COL4A5: variants seen among roughly 807,000 people sequenced by gnomAD.
COL4A5 encodes collagen type IV alpha 5 chain.
In COL4A5, 26 loss-of-function variants were observed where a neutral mutation model predicts 130.2. That is an observed-to-expected ratio of 0.20 (90% CI 0.15 to 0.28). COL4A5 has a LOEUF of 0.28. COL4A5 is among the 10% of genes least tolerant of loss of function. The pLI is 1.00. For missense variants in COL4A5, 1,131 were observed against 1,344.3 expected (o/e 0.84, Z 2.48); for synonymous variants, 496 against 439.6 (o/e 1.13, Z -1.60).
intron 1 of COL4A5, among the ~76,000 whole-genome samples, chrX:108,506,777 G>A (rs1411553940): frequency 9.1e-6 from 1 of 110,051 alleles, no homozygotes; most frequent in Non-Finnish European, 1.9e-5. Flanking sequence ...AGATAGGTCT[G>A]ACTCTGTGCC....
intron 42 of COL4A5, chrX:108,670,577 A>G: frequency 3.1e-6 from 1 of 326,923 alleles, no homozygotes. Context: ...TGTTAATGCA[A>G]ACGAATTGAA....
chrX:108,451,976 T>C (rs1461672034), intron 1 of COL4A5, among the ~76,000 whole-genome samples: 2 of 112,203 alleles, frequency 1.8e-5, no homozygotes, highest in Non-Finnish European at 3.8e-5. Context: ...TTTAAGTCTT[T>C]AATCCATCTT....
chrX:108,583,481 G>C (rs768931590), intron 17 of COL4A5, among the ~76,000 whole-genome samples: 17 of 111,713 alleles, frequency 1.5e-4, no homozygotes, highest in African/African-American at 4.5e-4. Context: ...ACAATTACCA[G>C]ATTTTTAGCA....
At chrX:108,444,455 G>A (rs1462520026) in intron 1 of COL4A5, among the ~76,000 whole-genome samples, 2 of 111,242 alleles carry the variant, frequency 1.8e-5, no homozygotes, top group Non-Finnish European at 3.8e-5. Flanking sequence ...TCCTGACCTC[G>A]TGATCCACCC....
intron 28 of COL4A5, among the ~76,000 whole-genome samples, chrX:108,604,626 G>T (rs2066698278): frequency 8.9e-6 from 1 of 112,042 alleles, no homozygotes; most frequent in Non-Finnish European, 1.9e-5. Flanking sequence ...AAAGTCAGCA[G>T]CTGCATTAGT....
intron 44 of COL4A5, 36 bp downstream of exon 44, chrX:108,677,669 A>G: frequency 1.7e-6 from 2 of 1,196,137 alleles, no homozygotes; most frequent in Non-Finnish European, 2.3e-6. Flanking sequence ...TGAGAGAAGA[A>G]TGTGGGTGTT....
chrX:108,493,101 A>G (rs1038891420), intron 1 of COL4A5, among the ~76,000 whole-genome samples: 1 of 111,779 alleles, frequency 8.9e-6, no homozygotes, highest in African/African-American at 3.2e-5. Context: ...TTAAAAAATG[A>G]GTAGTTTTTA....
At chrX:108,653,798 A>C (rs1253936938) in intron 36 of COL4A5, among the ~76,000 whole-genome samples, 1 of 111,442 alleles carries the variant, frequency 9.0e-6, no homozygotes, top group Non-Finnish European at 1.9e-5. Context: ...TAGTTTATTC[A>C]AAGGTTTCCC....
intron 32 of COL4A5, among the ~76,000 whole-genome samples, chrX:108,622,457 C>T (rs1380816583): frequency 2.7e-5 from 3 of 111,756 alleles, no homozygotes; most frequent in South Asian, 3.8e-4. Flanking sequence ...TTTTTATAGT[C>T]GGCCTCTATC....
intron 1 of COL4A5, among the ~76,000 whole-genome samples, chrX:108,505,441 T>C (rs996349791): frequency 9.0e-6 from 1 of 111,398 alleles, no homozygotes; most frequent in African/African-American, 3.3e-5. Flanking sequence ...TTTTCATGTG[T>C]TAGTTGGTGT....
chrX:108,550,215 C>T (rs2065730199), intron 2 of COL4A5, among the ~76,000 whole-genome samples: 1 of 110,832 alleles, frequency 9.0e-6, no homozygotes, highest in Non-Finnish European at 1.9e-5. Context: ...CAAGCAACGA[C>T]AAAATTACAG....
At chrX:108,627,205 A>G in intron 36 of COL4A5, 3 of 608,258 alleles carry the variant, frequency 4.9e-6, no homozygotes, top group Non-Finnish European at 5.9e-6. Context: ...TTTCTCTGTT[A>G]TATTTATATT....
chrX:108,588,494 T>C (rs2066373506), intron 19 of COL4A5, among the ~76,000 whole-genome samples: 1 of 110,200 alleles, frequency 9.1e-6, no homozygotes. Flanking sequence ...AGTTGGGAAG[T>C]ATGAATGAAA....
At position 108,673,870 on chromosome X, in the gene COL4A5, C is replaced by T. The variant is rs898427544; in HGVS notation, c.3800-875C>T. Among the ~76,000 whole-genome samples, 12 of 108,171 alleles carry T rather than the reference C, an allele frequency of 1.1e-4. 1 individual carries two copies. The highest frequency in any genetic ancestry group is 1.0e-3 in the Admixed American group (10 of 9,933). 93.9% of individuals were successfully genotyped at this position (108,171 alleles called of 115,157 possible). Reference sequence around the variant, plus strand: ...CAGCCTGGCCAACATGGTAACACCCCGTTTCTACTAAAAATATGAAAATTA... The same window carrying T: ...CAGCCTGGCCAACATGGTAACACCCTGTTTCTACTAAAAATATGAAAATTA... On this transcript the variant is annotated intron_variant, in intron 42 of 52. Coordinates refer to ENST00000328300, the MANE Select transcript of COL4A5 (RefSeq NM_033380.3).
intron 3 of COL4A5, 47 bp downstream of exon 3, chrX:108,559,200 C>A (rs376954034): frequency 2.0e-6 from 2 of 995,267 alleles, no homozygotes; most frequent in Admixed American, 4.4e-5. Flanking sequence ...ATTAAGTCAT[C>A]TTAAATGTGG....
chrX:108,571,440 G>A lies in COL4A5; in HGVS notation c.412G>A (p.Gly138Ser), dbSNP rs767619131. The change falls in exon 7 of 53, where the codon GGT becomes AGT. Residue 138 changes from glycine to serine, a missense_variant. Transcript: ENST00000328300. ...AGAACGTGGATTTCCAGGCAGTCCC[G>A]GTTTTCCTGGTTTACAGGGTCCTCC... The part of the protein sequence containing the change: ...KGERGFPGSP[G>S]FPGLQGPPGP... 8.3e-7 allele frequency: 1 copy of A among 1,202,873 alleles called. No homozygotes were observed. The highest frequency in any genetic ancestry group is 1.1e-6 in the Non-Finnish European group (1 of 888,508).
intron 28 of COL4A5, among the ~76,000 whole-genome samples, chrX:108,604,862 GA>G (rs1276624999): frequency 8.9e-6 from 1 of 111,937 alleles, no homozygotes; most frequent in African/African-American, 3.3e-5. Context: ...TTATGATGTG[GA>G]GACAGCTTCT....
chrX:108,585,459 G>A (rs754898791), intron 18 of COL4A5, among the ~76,000 whole-genome samples: 144 of 111,836 alleles, frequency 1.3e-3, no homozygotes, highest in Non-Finnish European at 2.1e-3. Context: ...ATTTTAATAA[G>A]TATCAGAAGA....
In COL4A5 at chrX:108,625,550, GT is replaced by G. The variant is rs2067137933; in HGVS notation, c.3017-151del. On this transcript the variant is annotated intron_variant, in intron 34 of 52. Transcript: ENST00000328300. ...TATTGTAATATGTTCCCAAGGAGATGTTTTATGTTGGGTTCTATCTGTGGAC... is the reference window on the plus strand; with the variant it reads ...TATTGTAATATGTTCCCAAGGAGATGTTTATGTTGGGTTCTATCTGTGGAC... Among the ~76,000 whole-genome samples the G allele has an allele frequency of 2.7e-5, 3 of 111,528 alleles. No individual in the cohort carries two copies. In the South Asian group the frequency reaches 1.1e-3, roughly 42 times the overall value.
Sources: gnomAD v4.1 joint callset for allele counts (sites outside exome capture counted in the v4.1 genomes callset) on GRCh38, gnomAD v4.1.1 for gene constraint, MANE v1.5 for transcripts, NCBI Gene and HGNC (gene_info 2026-07-23, HGNC 2026-07-21) for gene names.